NRG1: variants seen among roughly 807,000 people sequenced by gnomAD.
NRG1 encodes pro-neuregulin-1, membrane-bound isoform.
Under a neutral mutation model 63.8 loss-of-function variants are expected in NRG1, and 18 were observed. The ratio of observed to expected loss-of-function variants is 0.28; its 90% CI spans 0.19 to 0.42. The LOEUF (loss-of-function observed/expected upper bound fraction) is 0.42. Among genes scored for constraint, NRG1 ranks in the 10% least tolerant of loss-of-function variants. The probability of loss-of-function intolerance (pLI) is 1.00; values close to 1 mark genes in which losing one functional copy is unlikely to be tolerated. For synonymous variants in NRG1, 302 were observed against 301.3 expected, an observed-to-expected ratio of 1.00 and a Z score of -0.02; for missense variants, 762 against 814.7, an observed-to-expected ratio of 0.94 and a Z score of 0.79.
chr8:32,656,840 G>T (rs1801608596), intron 5 of NRG1, among the ~76,000 whole-genome samples: 1 of 134,838 alleles, frequency 7.4e-6, no homozygotes. Flanking sequence ...GAAATAAAAT[G>T]GAAAGCTTCC....
At chr8:32,004,678 T>C (rs1813466631) in intron 1 of NRG1, among the ~76,000 whole-genome samples, 1 of 151,768 alleles carries the variant, frequency 6.6e-6, no homozygotes, top group African/African-American at 2.4e-5. Flanking sequence ...ATGAGAAAAC[T>C]ATCAAAGCTA....
At chr8:31,769,675 A>T (rs1818424026) in intron 1 of NRG1, among the ~76,000 whole-genome samples, 1 of 152,178 alleles carries the variant, frequency 6.6e-6, no homozygotes, top group Admixed American at 6.5e-5. Context: ...CAACTTGTGA[A>T]TTACTAAGGA....
At chr8:31,807,696 C>T (rs1371577262) in intron 1 of NRG1, among the ~76,000 whole-genome samples, 1 of 152,116 alleles carries the variant, frequency 6.6e-6, no homozygotes, top group Non-Finnish European at 1.5e-5. Flanking sequence ...ATTTGTCTTT[C>T]TTAACTGTAA....
At chr8:32,728,929 G>C (rs767561128) in intron 6 of NRG1, among the ~76,000 whole-genome samples, 1 of 152,120 alleles carries the variant, frequency 6.6e-6, no homozygotes, top group Non-Finnish European at 1.5e-5. Flanking sequence ...TTAGCTGGGC[G>C]TGGTGGCACA....
chr8:32,455,665 G>T (rs1423567619), intron 1 of NRG1, among the ~76,000 whole-genome samples: 1 of 152,160 alleles, frequency 6.6e-6, no homozygotes, highest in Non-Finnish European at 1.5e-5. Context: ...CCTTGATTTA[G>T]ATACCAATTA....
intron 1 of NRG1, among the ~76,000 whole-genome samples, chr8:32,490,208 G>A (rs910796980): frequency 6.6e-6 from 1 of 152,058 alleles, no homozygotes; most frequent in Non-Finnish European, 1.5e-5. Context: ...GGGAGTCTGA[G>A]GTAGGAGGAT....
chr8:32,044,719 AAAG>A (rs1223171055), intron 1 of NRG1, among the ~76,000 whole-genome samples: 7 of 138,964 alleles, frequency 5.0e-5, no homozygotes, highest in African/African-American at 1.7e-4. Flanking sequence ...CTCTACAGTC[AAAG>A]AAGAAGTGTC....
intron 1 of NRG1, among the ~76,000 whole-genome samples, chr8:31,815,757 C>T (rs1823378824): frequency 6.6e-6 from 1 of 152,166 alleles, no homozygotes; most frequent in Non-Finnish European, 1.5e-5. Context: ...AAATTTGTTA[C>T]ATGTTGTTGC....
intron 1 of NRG1, among the ~76,000 whole-genome samples, chr8:32,226,923 A>G (rs998068222): frequency 6.6e-6 from 1 of 152,202 alleles, no homozygotes; most frequent in African/African-American, 2.4e-5. Flanking sequence ...ACATCACAGT[A>G]TAGAGATAGA....
intron 1 of NRG1, among the ~76,000 whole-genome samples, chr8:32,022,832 T>G (rs1816668976): frequency 6.6e-6 from 1 of 152,200 alleles, no homozygotes; most frequent in Non-Finnish European, 1.5e-5. Context: ...TTGTTTTAAT[T>G]CACTTAATCA....
intron 1 of NRG1, among the ~76,000 whole-genome samples, chr8:31,786,118 G>A (rs1234973759): frequency 6.6e-6 from 1 of 152,168 alleles, no homozygotes; most frequent in African/African-American, 2.4e-5. Context: ...TTGGAGGTTT[G>A]GGGTTGAGGT....
chr8:32,221,577 C>T (rs1845818020), intron 1 of NRG1, among the ~76,000 whole-genome samples: 1 of 152,116 alleles, frequency 6.6e-6, no homozygotes. Flanking sequence ...GCTTTGTTGT[C>T]ATATTATCTC....
rs146563720 is a variant in NRG1, at chr8:31,782,719, G to A, written c.37+143288G>A. 1.2e-4 allele frequency among the ~76,000 whole-genome samples: 18 copies of A among 152,222 alleles called. No homozygotes were observed. The East Asian group carries it at 2.3e-3, about 20-fold the overall frequency. On this transcript the variant is annotated intron_variant, in intron 1 of 10. Transcript: ENST00000519301. Reference sequence around the variant, plus strand: ...TTAAACAACTATCCATGAACCCAACGCTGTGCTTTACAAAATTTAACGTGC... The same window carrying A: ...TTAAACAACTATCCATGAACCCAACACTGTGCTTTACAAAATTTAACGTGC...
intron 1 of NRG1, among the ~76,000 whole-genome samples, chr8:31,773,476 C>G (rs1462153527): frequency 6.6e-6 from 1 of 152,164 alleles, no homozygotes; most frequent in Non-Finnish European, 1.5e-5. Flanking sequence ...AACTAAAAAC[C>G]TAGCTCAAAC....
intron 11 of NRG1, chr8:32,763,212 C>A: frequency 6.3e-7 from 1 of 1,597,066 alleles, no homozygotes; most frequent in Non-Finnish European, 8.5e-7. Flanking sequence ...CTTTTTTTTT[C>A]ATAAGACATA....
intron 1 of NRG1, among the ~76,000 whole-genome samples, chr8:32,352,119 G>C (rs368472371): frequency 1.3e-5 from 2 of 150,370 alleles, no homozygotes; most frequent in East Asian, 4.0e-4. Context: ...AAGCCTTAAA[G>C]ATCCGAAGTT....
chr8:31,757,418 A>G (rs988114854), intron 1 of NRG1, among the ~76,000 whole-genome samples: 3 of 152,074 alleles, frequency 2.0e-5, no homozygotes, highest in African/African-American at 7.2e-5. Flanking sequence ...TAAAAAAACA[A>G]CTCCACTAAA....
chr8:32,225,889 A>T (rs988031), intron 1 of NRG1, among the ~76,000 whole-genome samples: 113,998 of 152,076 alleles, frequency 0.75, 43,817 homozygotes, highest in African/African-American at 0.91. Flanking sequence ...TCAGTTTCCT[A>T]CCTCCTAGTC....
chr8:32,357,103 G>T (rs1162920656), intron 1 of NRG1, among the ~76,000 whole-genome samples: 1 of 152,094 alleles, frequency 6.6e-6, no homozygotes, highest in Non-Finnish European at 1.5e-5. Flanking sequence ...CTGGCCTGGG[G>T]GAAAAGAGCA....
Sources: allele counts gnomAD v4.1 joint callset (sites outside exome capture counted in the v4.1 genomes callset), GRCh38; gene constraint gnomAD v4.1.1; transcripts MANE v1.5; gene names NCBI Gene and HGNC (gene_info 2026-07-23, HGNC 2026-07-21).